The following DNAJC17 variants were observed in gnomAD, a reference collection of about 807,000 sequenced individuals.
The protein encoded by DNAJC17 is DnaJ heat shock protein family (Hsp40) member C17.
In DNAJC17, 35 loss-of-function variants were observed where a neutral mutation model predicts 48.1. The ratio of observed to expected loss-of-function variants is 0.73; its 90% confidence interval spans 0.56 to 0.96. DNAJC17 has a LOEUF of 0.96. DNAJC17 is among the 50% of genes least tolerant of loss of function. The probability of loss-of-function intolerance (pLI) is 0.00; values close to 1 mark genes in which losing one functional copy is unlikely to be tolerated. For synonymous variants in DNAJC17, 117 were observed against 142.7 expected (o/e 0.82, Z 1.28); for missense variants, 355 against 377.1 (o/e 0.94, Z 0.48).
chr15:40,767,859 A>C lies in DNAJC17; in HGVS notation c.*81T>G. On this transcript the variant is annotated 3_prime_UTR_variant, in exon 11 of 11. Transcript: ENST00000220496. ...AGCACCTTATACCTATGTATGGGAT[A>C]GAGGTAAAATCTTAAAAAAAAAAAA... 1 of 1,564,692 alleles carries C rather than the reference A, an allele frequency of 6.4e-7. No homozygotes were observed. The highest frequency in any genetic ancestry group is 8.6e-7 in the Non-Finnish European group (1 of 1,158,872).
chr15:40,789,514 T>C (rs1423881595), intron 1 of DNAJC17, among the ~76,000 whole-genome samples: 1 of 152,000 alleles, frequency 6.6e-6, no homozygotes, highest in Non-Finnish European at 1.5e-5. Flanking sequence ...TATATTAGGC[T>C]CAGACCCCAA....
intron 1 of DNAJC17, among the ~76,000 whole-genome samples, chr15:40,806,204 G>A (rs1177358409): frequency 1.3e-5 from 2 of 149,686 alleles, no homozygotes; most frequent in African/African-American, 4.9e-5. Context: ...ACATTAGTGG[G>A]CACTATTTTT....
chr15:40,768,833 G>C (rs1002207689), intron 10 of DNAJC17, among the ~76,000 whole-genome samples: 4 of 152,236 alleles, frequency 2.6e-5, no homozygotes, highest in African/African-American at 9.6e-5. Context: ...TGATGATCAT[G>C]TGGTCCCAAC....
At chr15:40,776,452 C>A in intron 5 of DNAJC17, 90 bp downstream of exon 5, 1 of 1,525,320 alleles carries the variant, frequency 6.6e-7, no homozygotes, top group Non-Finnish European at 9.0e-7. Flanking sequence ...AAAGAGCATG[C>A]CCTCTCTAGC....
chr15:40,779,532 A>T lies in DNAJC17; in HGVS notation c.207+13T>A, dbSNP rs373995291. 4 of 1,614,126 alleles carry T rather than the reference A, an allele frequency of 2.5e-6. No individual in the cohort carries two copies. Among genetic ancestry groups the T allele is most frequent in the East Asian group, 2.2e-5 (1 of 44,886 alleles). ...CCATGGGGGACGATTCCGATGAAGG[A>T]GGCTGTGCTTACCCTGGCTGCAGCA... On this transcript the variant is annotated intron_variant, in intron 3 of 10. Transcript: ENST00000220496.
chr15:40,776,655 T>C, intron 4 of DNAJC17, 28 bp from the exon 5 acceptor site: 1 of 1,608,520 alleles, frequency 6.2e-7, no homozygotes, highest in Non-Finnish European at 8.5e-7. Context: ...ATGACCAGAC[T>C]GCTGGTCTGT....
chr15:40,770,442 C>T lies in DNAJC17; in HGVS notation c.793-2380G>A. 2 of 1,494,814 alleles carry T rather than the reference C, an allele frequency of 1.3e-6. No individual in the cohort carries two copies. The highest frequency in any genetic ancestry group is 1.8e-6 in the Non-Finnish European group (2 of 1,119,018). 92.6% of individuals were successfully genotyped at this position (1,494,814 alleles called of 1,614,324 possible). A position where few individuals can be genotyped will look rare whatever the true frequency, so the allele number is the denominator to read the frequency against. ...CTGGCACTCACTGCCCCAGCAGGGA[C>T]CACATGCACCCTGGCTGCTCCTGAA... On this transcript the variant is annotated intron_variant, in intron 10 of 10. Transcript: ENST00000220496. This position sits in a 1 kb window ranked among gnomAD's most constrained non-coding sequence, Gnocchi z 5.0.
chr15:40,801,677 T>C (rs1343245754), intron 1 of DNAJC17, among the ~76,000 whole-genome samples: 1 of 134,052 alleles, frequency 7.5e-6, no homozygotes, highest in Non-Finnish European at 1.5e-5. Context: ...GGCGTGAACC[T>C]GGGAGGCGGA....
chr15:40,799,642 T>TACA (rs1343692941), intron 1 of DNAJC17, among the ~76,000 whole-genome samples: 1 of 152,206 alleles, frequency 6.6e-6, no homozygotes, highest in African/African-American at 2.4e-5. Flanking sequence ...TCTCCTTTGT[T>TACA]GTTTTGTGTT....
chr15:40,780,644 T>C (rs1889459027), intron 1 of DNAJC17: 2 of 308,886 alleles, frequency 6.5e-6, no homozygotes, highest in East Asian at 9.3e-5. Context: ...TGAAACTCCA[T>C]CTCTACTAAA....
chr15:40,789,653 G>T (rs1395539912), intron 1 of DNAJC17, among the ~76,000 whole-genome samples: 1 of 151,906 alleles, frequency 6.6e-6, no homozygotes, highest in Admixed American at 6.6e-5. Flanking sequence ...CACTTCCTCT[G>T]CCCAGTCTCT....
At chr15:40,805,658 G>T (rs1289287409) in intron 1 of DNAJC17, among the ~76,000 whole-genome samples, 1 of 150,890 alleles carries the variant, frequency 6.6e-6, no homozygotes, top group Admixed American at 6.6e-5. Flanking sequence ...GTGAAACCCC[G>T]TCTCTACTAA....
At chr15:40,771,838 T>G (rs546623515) in intron 10 of DNAJC17, 1 of 166,930 alleles carries the variant, frequency 6.0e-6, no homozygotes, top group African/African-American at 2.4e-5. Flanking sequence ...TAGGAAGAGA[T>G]AGGTAGAGAT....
At chr15:40,774,513 G>A (rs999034758) in intron 8 of DNAJC17, 77 bp from the exon 9 acceptor site, 9 of 1,528,574 alleles carry the variant, frequency 5.9e-6, no homozygotes, top group Non-Finnish European at 8.1e-6. Context: ...ACAAGCCTGG[G>A]CTACCTTGAG....
rs1412836036 is a variant in DNAJC17 at position 40,767,816 on chromosome 15, C to G, written c.*124G>C. On this transcript the variant is annotated 3_prime_UTR_variant, in exon 11 of 11. Transcript: ENST00000220496. The stretch of plus-strand genomic sequence containing the variant: ...GGAGGGGCGCCAGGCCTGGGTGGAG[C>G]GCTCTGCGGCAGAGCCCAGCACCTT... 9 of 1,387,574 alleles carry G rather than the reference C, an allele frequency of 6.5e-6. No homozygotes were observed. The highest frequency in any genetic ancestry group is 8.6e-6 in the Non-Finnish European group (9 of 1,041,784). 86.0% of individuals were successfully genotyped at this position (1,387,574 alleles called of 1,614,324 possible).
intron 9 of DNAJC17, 79 bp from the exon 10 acceptor site, chr15:40,773,916 C>CG (rs1283431678): frequency 1.6e-6 from 2 of 1,278,460 alleles, no homozygotes. Flanking sequence ...ACAGAGAGAA[C>CG]GGAACCAGCG....
Position 40,775,111 on chromosome 15 carries a change from GA to G in DNAJC17, c.523-4del. ...TCCTTCTTGCACTTCCATTTTAGCTGAAAAGAGAGCCTCATGAAACACTGAT... is the reference window on the plus strand; with the variant it reads ...TCCTTCTTGCACTTCCATTTTAGCTGAAAGAGAGCCTCATGAAACACTGAT... On this transcript the variant is annotated splice_region_variant and splice_polypyrimidine_tract_variant and intron_variant, in intron 7 of 10. Coordinates refer to ENST00000220496, the MANE Select transcript of DNAJC17 (RefSeq NM_018163.3). 1 of 1,614,118 alleles carries G rather than the reference GA, an allele frequency of 6.2e-7. No individual in the cohort carries two copies. Among genetic ancestry groups the G allele is most frequent in the Non-Finnish European group, 8.5e-7 (1 of 1,180,010 alleles).
Position 40,807,278 on chromosome 15 carries a change from C to T in DNAJC17, c.78+91G>A, listed in dbSNP as rs574375252. The T allele has an allele frequency of 5.6e-6, 9 of 1,609,150 alleles. No individual in the cohort carries two copies. The African/African-American group carries it at 9.3e-5, about 17-fold the overall frequency. ...CTCCCCGCCCAGGACCCGAATGAAC[C>T]TGGAGAGCGGATGCCAGCAGTGGCC... On this transcript the variant is annotated intron_variant, in intron 1 of 10. Transcript: ENST00000220496.
At chr15:40,781,153 GAAAAAAAAAAA>G (rs11337976) in intron 1 of DNAJC17, among the ~76,000 whole-genome samples, 1 of 88,996 alleles carries the variant, frequency 1.1e-5, no homozygotes, top group Admixed American at 1.4e-4. Context: ...CTCCATCTCA[GAAAAAAAAAAA>G]AAAAAAAAAA....
Sources: gnomAD v4.1 joint callset for allele counts (sites outside exome capture counted in the v4.1 genomes callset) on GRCh38, gnomAD v4.1.1 for gene constraint, Gnocchi (gnomAD v3.1) non-coding constraint, MANE v1.5 for transcripts, NCBI Gene and HGNC (gene_info 2026-07-23, HGNC 2026-07-21) for gene names.